Variants in PHRF1 observed in about 807,000 individuals in gnomAD.
PHRF1 encodes PHD and ring finger domains 1, also known as PHD and RING finger domain-containing protein 1.
A neutral mutation model predicts 128.9 loss-of-function variants in PHRF1; 53 were observed. The ratio of observed to expected loss-of-function variants is 0.41; its 90% CI spans 0.33 to 0.52. The LOEUF is 0.52. Among genes scored for constraint, PHRF1 ranks in the 20% least tolerant of loss-of-function variants. The pLI is 0.21. For missense variants in PHRF1, 2,503 were observed against 2,284.5 expected (o/e 1.10, Z -1.95); for synonymous variants, 1,178 against 980.6 (o/e 1.20, Z -3.76).
intron 3 of PHRF1, 118 bp from the exon 4 acceptor site, chr11:587,141 G>A: frequency 1.1e-6 from 1 of 886,258 alleles, no homozygotes; most frequent in East Asian, 2.6e-5. Flanking sequence ...AGCCTGCGGG[G>A]AGGTGGGCTG....
rs941707368 is a variant in PHRF1 at position 597,969 on chromosome 11, G to C, written c.894+399G>C. 6.6e-6 allele frequency among the ~76,000 whole-genome samples: 1 copy of C among 152,216 alleles called. No homozygotes were observed. The highest frequency in any genetic ancestry group is 2.4e-5 in the African/African-American group (1 of 41,448). On this transcript the variant is annotated intron_variant, in intron 8 of 17. Transcript: ENST00000264555. This position sits in a 1 kb window ranked among gnomAD's most constrained non-coding sequence, Gnocchi z 6.5. ...TCCGTCCTGACAGCAGCCTTTCCCTGGGCATTGGACAAGCAGGAGGGTCTG... is the reference window on the plus strand; with the variant it reads ...TCCGTCCTGACAGCAGCCTTTCCCTCGGCATTGGACAAGCAGGAGGGTCTG...
intron 6 of PHRF1, among the ~76,000 whole-genome samples, chr11:593,199 G>T (rs1208319232): frequency 6.6e-6 from 1 of 152,260 alleles, no homozygotes; most frequent in Non-Finnish European, 1.5e-5. Context: ...CCTGCTTTGT[G>T]TCGTTGGCTG....
At chr11:605,378 A>C in intron 11 of PHRF1, 78 bp downstream of exon 11, 2 of 1,553,400 alleles carry the variant, frequency 1.3e-6, no homozygotes, top group Non-Finnish European at 1.7e-6. Context: ...CCCGAGGTGC[A>C]TGCGGAGGCG....
chr11:596,035 G>A (rs149778022), intron 6 of PHRF1, among the ~76,000 whole-genome samples: 2,180 of 152,282 alleles, frequency 0.014, 29 homozygotes, highest in South Asian at 0.051. Context: ...AGGACTCTTG[G>A]GAGAATGGGT....
chr11:606,786 C>A, intron 13 of PHRF1, 190 bp downstream of exon 13: 1 of 934,196 alleles, frequency 1.1e-6, no homozygotes, highest in Non-Finnish European at 1.6e-6. Flanking sequence ...CTTACCCAGC[C>A]CCACAGCTTC....
chr11:608,967 AGGGCACGGGAGCACAGGCGGCCTC>A lies in PHRF1; in HGVS notation c.3514_3537del (p.Ala1172_Arg1179del). 1 of 1,610,114 alleles carries A rather than the reference AGGGCACGGGAGCACAGGCGGCCTC, an allele frequency of 6.2e-7. No individual in the cohort carries two copies. The highest frequency in any genetic ancestry group is 8.5e-7 in the Non-Finnish European group (1 of 1,178,940). ...GTCCCGGTCCCCAAGCTCGGAGCAC[AGGGCACGGGAGCACAGGCGGCCTC>A]GGTCCCGTGAGAAGTGGCCGCAGAC... On this transcript the variant is annotated inframe_deletion, in exon 14 of 18. Coordinates refer to ENST00000264555, the MANE Select transcript of PHRF1 (RefSeq NM_001286581.2).
At chr11:599,298 T>A (rs1855496847) in intron 9 of PHRF1, among the ~76,000 whole-genome samples, 1 of 143,990 alleles carries the variant, frequency 6.9e-6, no homozygotes, top group African/African-American at 2.6e-5. Context: ...TCTCCCAGGC[T>A]GGAGTGCAGT....
At position 605,240 on chromosome 11, in the gene PHRF1, A is replaced by G. The variant is rs1319603149; in HGVS notation, c.1274A>G (p.Asp425Gly). Reference sequence around the variant, plus strand: ...CCCTCTTTGGGGCTGCTGAGAGCGGATATTGGAGCTGCCTCTCTGTCTCTG... The same window carrying G: ...CCCTCTTTGGGGCTGCTGAGAGCGGGTATTGGAGCTGCCTCTCTGTCTCTG... The part of the protein sequence containing the change: ...VEPSLGLLRA[D>G]IGAASLSLFG... Residue 425 changes from aspartate to glycine, a missense_variant, in exon 11 of 18, where the codon GAT becomes GGT. By Grantham distance (94) the Asp-to-Gly change is moderately conservative. Transcript: ENST00000264555. 1 of 1,613,384 alleles carries G rather than the reference A, an allele frequency of 6.2e-7. No individual in the cohort carries two copies. Among genetic ancestry groups the G allele is most frequent in the Non-Finnish European group, 8.5e-7 (1 of 1,179,856 alleles).
chr11:608,751 T>A lies in PHRF1; in HGVS notation c.3295T>A (p.Ser1099Thr). 1 of 1,611,334 alleles carries A rather than the reference T, an allele frequency of 6.2e-7. No homozygotes were observed. Among genetic ancestry groups the A allele is most frequent in the Non-Finnish European group, 8.5e-7 (1 of 1,179,532 alleles). The part of the protein sequence containing the change: ...SRSRSGSPGS[S>T]SYEHYESRKK... Reference sequence around the variant, plus strand: ...GTCGCGGTCGGGGAGCCCTGGCAGCTCTTCCTATGAGCACTATGAGAGTAG... The same window carrying A: ...GTCGCGGTCGGGGAGCCCTGGCAGCACTTCCTATGAGCACTATGAGAGTAG... Residue 1099 changes from serine (S) to threonine (T), a missense_variant, in exon 14 of 18, where the codon TCT becomes ACT. Transcript: ENST00000264555.
In PHRF1 at chr11:611,667, G is replaced by C. The variant is rs200817338; in HGVS notation, c.4840G>C (p.Val1614Leu). 7.0e-5 allele frequency: 113 copies of C among 1,613,064 alleles called. No individual in the cohort carries two copies. The highest frequency in any genetic ancestry group is 8.7e-5 in the Non-Finnish European group (103 of 1,179,856). The change falls in exon 18 of 18, where the codon GTG (valine) becomes CTG (leucine). Residue 1614 changes from valine (V) to leucine (L), a missense_variant. By Grantham distance (32) the Val-to-Leu change is conservative. Transcript: ENST00000264555. ...CAGCAAGAGTGGAGAGATCAACCCCGTGAAGGTGGCCAACCTGGTGAAGGC... is the reference window on the plus strand; with the variant it reads ...CAGCAAGAGTGGAGAGATCAACCCCCTGAAGGTGGCCAACCTGGTGAAGGC... Reference protein sequence around the residue: ...CHSKSGEINPVKVANLVKAYV... With the variant: ...CHSKSGEINPLKVANLVKAYV...
chr11:577,944 C>T (rs573190857), intron 1 of PHRF1, among the ~76,000 whole-genome samples: 10 of 152,382 alleles, frequency 6.6e-5, no homozygotes, highest in Non-Finnish European at 1.3e-4. Context: ...GGAGGCTAAG[C>T]AGGAGAGTCA....
chr11:602,070 C>T (rs1187561522), intron 10 of PHRF1, among the ~76,000 whole-genome samples: 1 of 152,166 alleles, frequency 6.6e-6, no homozygotes, highest in Non-Finnish European at 1.5e-5. Context: ...TTCAGGCAGG[C>T]CTGGCCAGCC....
intron 6 of PHRF1, among the ~76,000 whole-genome samples, chr11:594,194 G>T (rs896602384): frequency 6.6e-6 from 1 of 152,332 alleles, no homozygotes; most frequent in Admixed American, 6.5e-5. Context: ...ACCTGTGGCT[G>T]CGGCCACTCT....
At position 607,550 on chromosome 11, in the gene PHRF1, G is replaced by C. The variant is rs371765604; in HGVS notation, c.2094G>C (p.Pro698=). Residue 698 remains proline (P), a synonymous_variant, in exon 14 of 18, where the codon CCG becomes CCC. Coordinates refer to ENST00000264555, the MANE Select transcript of PHRF1 (RefSeq NM_001286581.2). ...DDGGGRRDAA[P]AHGQSIEIPS... The stretch of plus-strand genomic sequence containing the variant: ...GTGGTGGCAGACGGGATGCGGCCCC[G>C]GCCCACGGGCAGAGCATTGAGATCC... 2 of 1,612,654 alleles carry C rather than the reference G, an allele frequency of 1.2e-6. No homozygotes were observed. Among genetic ancestry groups the C allele is most frequent in the African/African-American group, 2.7e-5 (2 of 75,070 alleles).
intron 10 of PHRF1, among the ~76,000 whole-genome samples, chr11:602,342 C>T (rs1279184753): frequency 6.6e-6 from 1 of 152,118 alleles, no homozygotes; most frequent in Admixed American, 6.6e-5. Flanking sequence ...AAATGTATCA[C>T]CTTGTCCACT....
chr11:594,528 G>T (rs1272473427), intron 6 of PHRF1, among the ~76,000 whole-genome samples: 1 of 152,198 alleles, frequency 6.6e-6, no homozygotes, highest in African/African-American at 2.4e-5. Context: ...TGCAACCTCT[G>T]CAGCGAGTCA....
rs745732354 is a variant in PHRF1, at chr11:611,007, C to T, written c.4731C>T (p.Ala1577=). The T allele has an allele frequency of 4.3e-6, 7 of 1,613,484 alleles. No individual in the cohort carries two copies. Among genetic ancestry groups the T allele is most frequent in the African/African-American group, 2.7e-5 (2 of 75,020 alleles). ...QERAVEEVKL[A]IKPFYQKREV... ...GTGCTGTGGAGGAGGTGAAGCTGGC[C>T]ATCAAGCCCTTCTACCAGAAGAGGG... The change falls in exon 17 of 18, where the codon GCC becomes GCT. Residue 1577 remains alanine, a synonymous_variant. Coordinates refer to ENST00000264555, the MANE Select transcript of PHRF1 (RefSeq NM_001286581.2).
chr11:608,538 A>G lies in PHRF1; in HGVS notation c.3082A>G (p.Arg1028Gly), dbSNP rs762812445. Reference protein sequence around the residue: ...RSGTRSESRDRSSRSASPSVG... With the variant: ...RSGTRSESRDGSSRSASPSVG... ...TGGGACGCGCTCTGAATCCAGGGAC[A>G]GGAGCTCGAGGTCAGCGTCACCATC... The change falls in exon 14 of 18, where the codon AGG becomes GGG. Residue 1028 changes from arginine (R) to glycine (G), a missense_variant. Coordinates refer to ENST00000264555, the MANE Select transcript of PHRF1 (RefSeq NM_001286581.2). 4 of 1,612,168 alleles carry G rather than the reference A, an allele frequency of 2.5e-6. No homozygotes were observed. In the African/African-American group the frequency reaches 5.3e-5, roughly 22 times the overall value.
chr11:606,980 GA>G, intron 13 of PHRF1, 85 bp from the exon 14 acceptor site: 1 of 1,509,332 alleles, frequency 6.6e-7, no homozygotes, highest in Non-Finnish European at 8.9e-7. Flanking sequence ...CGACCTCACA[GA>G]AAACCAGTTG....
Sources: allele counts gnomAD v4.1 joint callset (sites outside exome capture counted in the v4.1 genomes callset), GRCh38; gene constraint gnomAD v4.1.1; non-coding constraint Gnocchi (gnomAD v3.1); transcripts MANE v1.5; gene names NCBI Gene and HGNC (gene_info 2026-07-23, HGNC 2026-07-21).